Variants in TRPM7 observed in about 807,000 individuals in gnomAD.
The protein encoded by TRPM7 is LTRPC ion channel family member 7.
TRPM7 carries 134 observed loss-of-function variants against 229.7 expected under a neutral mutation model. That is an observed-to-expected ratio of 0.58 (90% confidence interval 0.51 to 0.67). TRPM7 has a LOEUF of 0.67. TRPM7 is among the 30% of genes least tolerant of loss of function. The probability of loss-of-function intolerance (pLI) is 0.00; values close to 1 mark genes in which losing one functional copy is unlikely to be tolerated. For synonymous variants in TRPM7, 699 were observed against 715.2 expected, an observed-to-expected ratio of 0.98 and a Z score of 0.36; for missense variants, 1,901 against 2,210.0, an observed-to-expected ratio of 0.86 and a Z score of 2.80.
At chr15:50,684,420 C>G (rs2062313950) in intron 1 of TRPM7, among the ~76,000 whole-genome samples, 1 of 152,040 alleles carries the variant, frequency 6.6e-6, no homozygotes, top group South Asian at 2.1e-4. Context: ...ACAGCCAGAT[C>G]ACTGGACATC....
In TRPM7 at chr15:50,686,660, G is replaced by T; in HGVS notation, c.-127C>A. The T allele has an allele frequency of 7.3e-7, 1 of 1,364,898 alleles. No homozygotes were observed. The highest frequency in any genetic ancestry group is 9.9e-7 in the Non-Finnish European group (1 of 1,005,462). The allele number at this position is 1,364,898 out of a possible 1,614,324, so 84.5% of individuals were successfully genotyped here. A position where few individuals can be genotyped will look rare whatever the true frequency, so the allele number is the denominator to read the frequency against. ...GGCCGCCGGACAAGGAACGCCCAGG[G>T]AAACCTTCTCAGAACTAACTCAGCT... On this transcript the variant is annotated 5_prime_UTR_variant, in exon 1 of 39. Coordinates refer to ENST00000646667, the MANE Select transcript of TRPM7 (RefSeq NM_017672.6).
intron 5 of TRPM7, among the ~76,000 whole-genome samples, chr15:50,640,628 A>C (rs530660139): frequency 1.1e-4 from 16 of 151,992 alleles, no homozygotes; most frequent in Non-Finnish European, 2.2e-4. Flanking sequence ...CCTAACTCCC[A>C]ATACCATAAA....
chr15:50,613,631 TTTTG>T (rs2060127509), intron 15 of TRPM7, 72 bp downstream of exon 15: 1 of 1,301,102 alleles, frequency 7.7e-7, no homozygotes, highest in Non-Finnish European at 1.0e-6. Context: ...AATTAGTTTT[TTTTG>T]TTTAATAATA....
At chr15:50,589,854 T>C (rs1316894550) in intron 26 of TRPM7, among the ~76,000 whole-genome samples, 198 bp from the exon 27 acceptor site, 1 of 151,584 alleles carries the variant, frequency 6.6e-6, no homozygotes, top group Non-Finnish European at 1.5e-5. Flanking sequence ...CAGTTTTTTT[T>C]GTTTTTTGTT....
chr15:50,638,252 G>A (rs368303400), intron 6 of TRPM7, among the ~76,000 whole-genome samples: 3,569 of 149,920 alleles, frequency 0.024, 62 homozygotes, highest in Admixed American at 0.028. Context: ...CCAGCTACTC[G>A]GGAGGCTGAG....
intron 36 of TRPM7, among the ~76,000 whole-genome samples, chr15:50,571,461 T>C (rs3131576): frequency 0.48 from 72,924 of 152,018 alleles, 17,731 homozygotes; most frequent in Admixed American, 0.56. Context: ...GAGTGAATGT[T>C]TATCAACACA....
chr15:50,586,265 G>A, intron 28 of TRPM7, 127 bp downstream of exon 28: 1 of 570,216 alleles, frequency 1.8e-6, no homozygotes, highest in Non-Finnish European at 3.1e-6. Flanking sequence ...AGTCACTATG[G>A]CAGATCAGAA....
intron 10 of TRPM7, among the ~76,000 whole-genome samples, chr15:50,631,064 G>A (rs2060714964): frequency 6.6e-6 from 1 of 152,122 alleles, no homozygotes; most frequent in Admixed American, 6.5e-5. Flanking sequence ...CTGGCCTCAA[G>A]TGATCCTCCT....
intron 34 of TRPM7, 59 bp from the exon 35 acceptor site, chr15:50,574,778 G>T: frequency 6.3e-7 from 1 of 1,583,904 alleles, no homozygotes; most frequent in Non-Finnish European, 8.6e-7. Flanking sequence ...ATTATATTTG[G>T]CTTATTGATA....
intron 1 of TRPM7, among the ~76,000 whole-genome samples, chr15:50,680,000 A>T (rs1168563363): frequency 6.6e-6 from 1 of 150,450 alleles, no homozygotes; most frequent in Non-Finnish European, 1.5e-5. Context: ...TTGGGGGGCC[A>T]AGGTGGGTGG....
chr15:50,681,264 TACACACACAC>T (rs72070923), intron 1 of TRPM7, among the ~76,000 whole-genome samples: 3 of 146,906 alleles, frequency 2.0e-5, no homozygotes, highest in African/African-American at 5.1e-5. Context: ...AATAAATAAA[TACACACACAC>T]ACACACACAC....
intron 1 of TRPM7, among the ~76,000 whole-genome samples, chr15:50,670,952 T>C (rs951284475): frequency 1.1e-4 from 17 of 152,256 alleles, no homozygotes; most frequent in African/African-American, 3.4e-4. Flanking sequence ...TGGGGGCAGA[T>C]TGCTGGAGCT....
intron 20 of TRPM7, among the ~76,000 whole-genome samples, chr15:50,606,731 T>C (rs1299862707): frequency 6.6e-6 from 1 of 152,078 alleles, no homozygotes; most frequent in East Asian, 1.9e-4. Flanking sequence ...ACTCCTGACC[T>C]CGAGTGATCC....
intron 38 of TRPM7, among the ~76,000 whole-genome samples, chr15:50,563,595 T>C (rs2053428382): frequency 6.6e-6 from 1 of 152,146 alleles, no homozygotes; most frequent in Non-Finnish European, 1.5e-5. Flanking sequence ...TTGGATAGTT[T>C]TAGGTTTTGG....
intron 21 of TRPM7, among the ~76,000 whole-genome samples, chr15:50,600,436 T>TA (rs894855873): frequency 1.7e-3 from 226 of 130,052 alleles, no homozygotes; most frequent in Admixed American, 1.8e-3. Flanking sequence ...GACTCCATCT[T>TA]AAAAAAAAAA....
At position 50,639,564 on chromosome 15, in the gene TRPM7, G is replaced by C; in HGVS notation, c.536-16C>G. 6.3e-7 allele frequency: 1 copy of C among 1,597,464 alleles called. No individual in the cohort carries two copies. The highest frequency in any genetic ancestry group is 8.5e-7 in the Non-Finnish European group (1 of 1,172,674). The stretch of plus-strand genomic sequence containing the variant: ...TTTGCCACACCTGTTCATAAAAAAA[G>C]TTTATTCATTTTGTTTTTTTTATTT... On this transcript the variant is annotated splice_polypyrimidine_tract_variant and intron_variant, in intron 5 of 38. Coordinates refer to ENST00000646667, the MANE Select transcript of TRPM7 (RefSeq NM_017672.6).
At chr15:50,641,801 A>G (rs1481137589) in intron 5 of TRPM7, among the ~76,000 whole-genome samples, 2 of 152,098 alleles carry the variant, frequency 1.3e-5, no homozygotes, top group African/African-American at 4.8e-5. Context: ...GAAGTTCAAG[A>G]CCAGCTTGAC....
intron 10 of TRPM7, 31 bp downstream of exon 10, chr15:50,631,386 C>G (rs781703503): frequency 4.9e-6 from 7 of 1,424,214 alleles, no homozygotes; most frequent in Non-Finnish European, 6.9e-6. Flanking sequence ...AATAAAAGGT[C>G]TTACAAATAA....
intron 3 of TRPM7, among the ~76,000 whole-genome samples, chr15:50,650,720 A>C (rs912634054): frequency 2.0e-5 from 3 of 152,058 alleles, no homozygotes; most frequent in Non-Finnish European, 2.9e-5. Context: ...AAACAAAAAA[A>C]TCAGACCTAG....
Sources: allele counts gnomAD v4.1 joint callset (sites outside exome capture counted in the v4.1 genomes callset), GRCh38; gene constraint gnomAD v4.1.1; transcripts MANE v1.5; gene names NCBI Gene and HGNC (gene_info 2026-07-23, HGNC 2026-07-21).